Variants in SEPTIN9 observed in about 807,000 individuals in gnomAD.
SEPTIN9 encodes septin 9, also known as septin-9.
A neutral mutation model predicts 56.6 loss-of-function variants in SEPTIN9; 13 were observed. The ratio of observed to expected loss-of-function variants is 0.23; its 90% CI spans 0.15 to 0.37. The LOEUF is 0.37. Ranked by LOEUF, SEPTIN9 falls within the 10% of genes least tolerant of loss-of-function variation. The pLI is 1.00. For missense variants in SEPTIN9, 650 were observed against 823.1 expected (o/e 0.79, Z 2.57); for synonymous variants, 332 against 334.1 (o/e 0.99, Z 0.07).
intron 3 of SEPTIN9, among the ~76,000 whole-genome samples, chr17:77,404,645 C>A (rs2036004329): frequency 6.6e-6 from 1 of 152,080 alleles, no homozygotes; most frequent in African/African-American, 2.4e-5. Flanking sequence ...GGGGGGAGAC[C>A]AGTGCTCCTC....
At chr17:77,321,978 G>A (rs113542233) in intron 2 of SEPTIN9, among the ~76,000 whole-genome samples, 2,845 of 152,342 alleles carry the variant, frequency 0.019, 33 homozygotes, top group Non-Finnish European at 0.031. Flanking sequence ...GCCGTCCTCG[G>A]AGTGACCACC....
At chr17:77,351,342 C>A (rs141314377) in intron 2 of SEPTIN9, among the ~76,000 whole-genome samples, 1 of 152,076 alleles carries the variant, frequency 6.6e-6, no homozygotes, top group African/African-American at 2.4e-5. Flanking sequence ...AAACTGTAGG[C>A]CCCACCTTTG....
chr17:77,486,535 C>CGCGCGCGCGCGCGT (rs1343890844), intron 4 of SEPTIN9, among the ~76,000 whole-genome samples: 15 of 120,300 alleles, frequency 1.2e-4, no homozygotes, highest in African/African-American at 4.9e-4. Flanking sequence ...CGCACGCGCG[C>CGCGCGCGCGCGCGT]GCGTGTTATA....
rs180722276 is a variant in SEPTIN9, at chr17:77,435,356, T to C, written c.721+32653T>C. Among the ~76,000 whole-genome samples, 373 of 152,258 alleles carry C rather than the reference T, an allele frequency of 2.4e-3. 2 individuals are homozygous for C. Among genetic ancestry groups the C allele is most frequent in the Non-Finnish European group, 4.2e-3 (283 of 67,992 alleles). The stretch of plus-strand genomic sequence containing the variant: ...GTTAGTGGCAGAGCTGAGCAGTGTC[T>C]CCCATGCCCTGATTCTGTGGCTTCT... On this transcript the variant is annotated intron_variant, in intron 3 of 11. Transcript: ENST00000427177. This position sits in a 1 kb window ranked among gnomAD's most constrained non-coding sequence, Gnocchi z 4.5.
At chr17:77,297,409 A>T (rs768145239) in intron 1 of SEPTIN9, among the ~76,000 whole-genome samples, 23 of 152,034 alleles carry the variant, frequency 1.5e-4, no homozygotes, top group Non-Finnish European at 2.2e-4. Flanking sequence ...GATCTTTACC[A>T]CTCAGCCCAC....
intron 2 of SEPTIN9, among the ~76,000 whole-genome samples, chr17:77,372,422 G>C (rs909468842): frequency 6.6e-6 from 1 of 151,934 alleles, no homozygotes; most frequent in Non-Finnish European, 1.5e-5. Context: ...GGTAGAGACC[G>C]CTGGCCTGGA....
chr17:77,340,074 C>G (rs976226853), intron 2 of SEPTIN9, among the ~76,000 whole-genome samples: 1 of 151,990 alleles, frequency 6.6e-6, no homozygotes, highest in Non-Finnish European at 1.5e-5. Flanking sequence ...GGTGATTTGC[C>G]TGCCTTGGCC....
chr17:77,391,660 A>T (rs555224885), intron 2 of SEPTIN9, among the ~76,000 whole-genome samples: 1 of 152,320 alleles, frequency 6.6e-6, no homozygotes, highest in East Asian at 1.9e-4. Flanking sequence ...AACCCACTAC[A>T]TTTAATAAAC....
At chr17:77,491,179 G>C (rs992738204) in intron 8 of SEPTIN9, among the ~76,000 whole-genome samples, 1 of 151,966 alleles carries the variant, frequency 6.6e-6, no homozygotes, top group African/African-American at 2.4e-5. Context: ...GAGTGAGGCC[G>C]AGCAGGGGCC....
intron 3 of SEPTIN9, among the ~76,000 whole-genome samples, chr17:77,431,557 C>T (rs2037132689): frequency 6.6e-6 from 1 of 152,106 alleles, no homozygotes; most frequent in Non-Finnish European, 1.5e-5. Flanking sequence ...ACCACCTCAG[C>T]CAGGCACGGT....
chr17:77,466,467 G>A, intron 3 of SEPTIN9: 1 of 985,034 alleles, frequency 1.0e-6, no homozygotes, highest in Non-Finnish European at 1.2e-6. Context: ...TGCTGCCTGT[G>A]TTAGCTGCGT....
chr17:77,333,520 C>T (rs911743386), intron 2 of SEPTIN9, among the ~76,000 whole-genome samples: 3 of 152,186 alleles, frequency 2.0e-5, no homozygotes, highest in African/African-American at 7.2e-5. Flanking sequence ...AGCCACCATG[C>T]CCGGCCTGTT....
At chr17:77,376,495 C>T in intron 2 of SEPTIN9, 1 of 739,374 alleles carries the variant, frequency 1.4e-6, no homozygotes, top group Non-Finnish European at 1.7e-6. Context: ...GTGCCTGTCA[C>T]CATGTGGGTT....
intron 3 of SEPTIN9, chr17:77,481,847 G>T (rs1444006044): frequency 2.2e-6 from 1 of 459,306 alleles, no homozygotes; most frequent in Non-Finnish European, 3.9e-6. Flanking sequence ...AGCGCAGGGG[G>T]CCCCCAGCTT....
intron 2 of SEPTIN9, among the ~76,000 whole-genome samples, chr17:77,334,112 C>T (rs1304550304): frequency 1.3e-5 from 2 of 151,898 alleles, no homozygotes; most frequent in Non-Finnish European, 2.9e-5. Flanking sequence ...TTGACTGTTT[C>T]CCCATGGGTC....
intron 2 of SEPTIN9, among the ~76,000 whole-genome samples, chr17:77,386,465 G>A (rs934063278): frequency 6.6e-6 from 1 of 152,266 alleles, no homozygotes; most frequent in Non-Finnish European, 1.5e-5. Flanking sequence ...GCAGGTCAGA[G>A]GTCACAGTGC....
chr17:77,377,978 T>C (rs2034992534), intron 2 of SEPTIN9, among the ~76,000 whole-genome samples: 1 of 152,104 alleles, frequency 6.6e-6, no homozygotes, highest in Admixed American at 6.5e-5. Flanking sequence ...TTGATGCTCT[T>C]TGAGTTCAGA....
chr17:77,288,807 G>A (rs749924501), intron 1 of SEPTIN9, among the ~76,000 whole-genome samples: 12 of 152,186 alleles, frequency 7.9e-5, no homozygotes, highest in African/African-American at 1.7e-4. Context: ...TCGGGCTGTC[G>A]GGTTATTGCT....
intron 10 of SEPTIN9, among the ~76,000 whole-genome samples, chr17:77,494,242 A>G (rs1296441492): frequency 6.6e-6 from 1 of 152,224 alleles, no homozygotes; most frequent in East Asian, 1.9e-4. Flanking sequence ...ATGTCTTTGA[A>G]TGGATGGGAG....
Sources: gnomAD v4.1 joint callset for allele counts (sites outside exome capture counted in the v4.1 genomes callset) on GRCh38, gnomAD v4.1.1 for gene constraint, Gnocchi (gnomAD v3.1) non-coding constraint, MANE v1.5 for transcripts, NCBI Gene and HGNC (gene_info 2026-07-23, HGNC 2026-07-21) for gene names.